CERS6: variants seen among roughly 807,000 people sequenced by gnomAD.
CERS6 encodes the protein ceramide synthase 6.
A neutral mutation model predicts 56.8 loss-of-function variants in CERS6; 26 were observed. That is an observed-to-expected ratio of 0.46 (90% confidence interval 0.34 to 0.63). CERS6 has a LOEUF of 0.63. Among genes scored for constraint, CERS6 ranks in the 30% least tolerant of loss-of-function variants. The pLI, the probability that CERS6 is intolerant of heterozygous loss-of-function variation, is 0.01. For missense variants in CERS6, 415 were observed against 467.5 expected, an observed-to-expected ratio of 0.89 and a Z score of 1.04; for synonymous variants, 164 against 173.3, an observed-to-expected ratio of 0.95 and a Z score of 0.42.
chr2:168,714,425 G>T (rs984428326), intron 6 of CERS6, among the ~76,000 whole-genome samples: 6 of 152,148 alleles, frequency 3.9e-5, no homozygotes, highest in African/African-American at 4.8e-5. Context: ...GCCACACTCT[G>T]GTCAAAGACA....
chr2:168,628,161 T>G (rs1311059156), intron 3 of CERS6, among the ~76,000 whole-genome samples: 1 of 152,206 alleles, frequency 6.6e-6, no homozygotes, highest in East Asian at 1.9e-4. Context: ...AGGCTGTTCT[T>G]CCTTTGAATC....
intron 1 of CERS6, among the ~76,000 whole-genome samples, chr2:168,463,944 A>G (rs1342054092): frequency 1.3e-5 from 2 of 152,122 alleles, no homozygotes; most frequent in Admixed American, 6.6e-5. Flanking sequence ...ATTGAAAGAA[A>G]TGTTACTGTT....
rs748560125 is a variant in CERS6 at position 168,715,149 on chromosome 2, T to C, written c.738+20T>C. The C allele has an allele frequency of 6.3e-7, 1 of 1,598,912 alleles. No individual in the cohort carries two copies. The highest frequency in any genetic ancestry group is 1.8e-5 in the Admixed American group (1 of 56,734). On this transcript the variant is annotated intron_variant, in intron 7 of 9. Coordinates refer to ENST00000305747, the MANE Select transcript of CERS6 (RefSeq NM_203463.3). ...CTGGAGGTAAAAGTTTTCTTTCATC[T>C]TTAAGAATACAAAATCCAAAATTTA...
In CERS6 at chr2:168,507,533, A is replaced by G. The variant is rs112002927; in HGVS notation, c.171-40063A>G. On this transcript the variant is annotated intron_variant, in intron 1 of 9. Coordinates refer to ENST00000305747, the MANE Select transcript of CERS6 (RefSeq NM_203463.3). ...CCTCTAAGAGCATTGCGTTGAAGGC[A>G]CAAGATGCTGACTTGTCCTGCCATT... 1.4e-4 allele frequency among the ~76,000 whole-genome samples: 21 copies of G among 152,284 alleles called. 1 individual carries two copies. Among genetic ancestry groups the G allele is most frequent in the African/African-American group, 5.1e-4 (21 of 41,570 alleles).
At chr2:168,745,953 G>T (rs540067079) in intron 8 of CERS6, among the ~76,000 whole-genome samples, 3 of 152,334 alleles carry the variant, frequency 2.0e-5, no homozygotes, top group Admixed American at 6.5e-5. Context: ...AGGCCCATCA[G>T]TGTAAAAAAT....
chr2:168,626,725 G>C (rs1003953717), intron 3 of CERS6, among the ~76,000 whole-genome samples: 1 of 152,122 alleles, frequency 6.6e-6, no homozygotes, highest in Non-Finnish European at 1.5e-5. Context: ...CATTTACCAG[G>C]CGTCTGGCTT....
intron 8 of CERS6, among the ~76,000 whole-genome samples, chr2:168,722,816 A>G (rs757789987): frequency 1.3e-5 from 2 of 152,174 alleles, no homozygotes; most frequent in Non-Finnish European, 2.9e-5. Flanking sequence ...ATTTCTGTCC[A>G]GAGGACATCT....
At chr2:168,515,323 C>T (rs1197930681) in intron 1 of CERS6, among the ~76,000 whole-genome samples, 2 of 152,002 alleles carry the variant, frequency 1.3e-5, no homozygotes, top group East Asian at 3.9e-4. Context: ...ATGTCCAAGC[C>T]CGGCATGTAA....
At chr2:168,514,416 A>G (rs188907154) in intron 1 of CERS6, among the ~76,000 whole-genome samples, 75 of 152,316 alleles carry the variant, frequency 4.9e-4, no homozygotes, top group African/African-American at 1.8e-3. Context: ...ATTGATTACA[A>G]GTAATTCAGG....
At chr2:168,625,670 C>T (rs1684574720) in intron 3 of CERS6, among the ~76,000 whole-genome samples, 1 of 152,130 alleles carries the variant, frequency 6.6e-6, no homozygotes, top group South Asian at 2.1e-4. Flanking sequence ...CATGTTGCAG[C>T]ATCCAGAAAA....
chr2:168,573,195 G>A (rs1559003672), intron 3 of CERS6, among the ~76,000 whole-genome samples: 1 of 151,876 alleles, frequency 6.6e-6, no homozygotes, highest in African/African-American at 2.4e-5. Context: ...ACCTATGGGG[G>A]AAAAAAAGGA....
chr2:168,559,192 T>TTAC (rs1395461381), intron 2 of CERS6, among the ~76,000 whole-genome samples: 10 of 151,322 alleles, frequency 6.6e-5, no homozygotes, highest in African/African-American at 2.4e-4. Context: ...GATGGTGTCA[T>TTAC]TACTACTACT....
intron 1 of CERS6, among the ~76,000 whole-genome samples, chr2:168,519,542 A>C (rs796376055): frequency 1.1e-4 from 16 of 152,164 alleles, no homozygotes; most frequent in African/African-American, 3.9e-4. Context: ...CCCCTTTTGG[A>C]ACCCCCAGTG....
chr2:168,705,566 C>T (rs964707194), intron 6 of CERS6, among the ~76,000 whole-genome samples: 13 of 152,198 alleles, frequency 8.5e-5, no homozygotes, highest in African/African-American at 2.9e-4. Context: ...CCCCAAACCC[C>T]TCCTGACAAT....
At chr2:168,517,761 A>G (rs1694909964) in intron 1 of CERS6, among the ~76,000 whole-genome samples, 1 of 152,150 alleles carries the variant, frequency 6.6e-6, no homozygotes, top group Middle Eastern at 3.2e-3. Flanking sequence ...ATTTTAAAAA[A>G]CCATAAAAAT....
chr2:168,564,438 G>C (rs1695848333), intron 3 of CERS6, among the ~76,000 whole-genome samples: 1 of 151,830 alleles, frequency 6.6e-6, no homozygotes, highest in African/African-American at 2.4e-5. Flanking sequence ...CATTTTGTTT[G>C]CTACCAAAAA....
chr2:168,565,998 C>A (rs937796484), intron 3 of CERS6, among the ~76,000 whole-genome samples: 1 of 152,158 alleles, frequency 6.6e-6, no homozygotes, highest in Non-Finnish European at 1.5e-5. Flanking sequence ...GGGTTTTTAT[C>A]ACTCAGGATA....
At chr2:168,559,733 T>TTATATATATATATATATATA (rs61031993) in intron 2 of CERS6, among the ~76,000 whole-genome samples, 5,978 of 66,002 alleles carry the variant, frequency 0.091, 1,816 homozygotes, top group East Asian at 0.2. Flanking sequence ...TAGAAAGGTA[T>TTATATATATATATATATATA]CATATATATA....
At chr2:168,567,584 A>G (rs561271134) in intron 3 of CERS6, among the ~76,000 whole-genome samples, 29 of 152,342 alleles carry the variant, frequency 1.9e-4, no homozygotes, top group African/African-American at 6.7e-4. Flanking sequence ...TTCTTAACCC[A>G]TGGGCCATAC....
Sources: allele counts gnomAD v4.1 joint callset (sites outside exome capture counted in the v4.1 genomes callset), GRCh38; gene constraint gnomAD v4.1.1; transcripts MANE v1.5; gene names NCBI Gene and HGNC (gene_info 2026-07-23, HGNC 2026-07-21).